WNT3: variants seen among roughly 807,000 people sequenced by gnomAD.
WNT3 encodes proto-oncogene Wnt-3.
Under a neutral mutation model 34.2 loss-of-function variants are expected in WNT3, and 7 were observed. The observed-to-expected ratio is 0.20, with a 90% CI of 0.12 to 0.38. The LOEUF (loss-of-function observed/expected upper bound fraction) is 0.38. Ranked by LOEUF, WNT3 falls within the 10% of genes least tolerant of loss-of-function variation. The pLI is 1.00. For synonymous variants in WNT3, 212 were observed against 211.5 expected (o/e 1.00, Z -0.02); for missense variants, 267 against 499.8 (o/e 0.53, Z 4.44).
At position 46,807,299 on chromosome 17, in the gene WNT3, A is replaced by G. The variant is rs529518504; in HGVS notation, c.80+11219T>C. Among the ~76,000 whole-genome samples, 191 of 152,314 alleles carry G rather than the reference A, an allele frequency of 1.3e-3. 1 individual carries two copies. The highest frequency in any genetic ancestry group is 4.5e-3 in the African/African-American group (186 of 41,572). On this transcript the variant is annotated intron_variant, in intron 1 of 4. Transcript: ENST00000225512. ...GGAGTTTGATACCAGCCTGACCAACATGGTGAAATCCTATCTCTACTGAAA... is the reference window on the plus strand; with the variant it reads ...GGAGTTTGATACCAGCCTGACCAACGTGGTGAAATCCTATCTCTACTGAAA...
Position 46,773,877 on chromosome 17 carries a change from A to G in WNT3, c.113T>C (p.Leu38Pro). ...SLALGQQYTS[L>P]GSQPLLCGSI... ...GCCGCAGAGCAGGGGCTGTGAGCCC[A>G]GAGATGTGTACTGCTGGCCCAGGGC... Residue 38 changes from leucine (L) to proline (P), a missense_variant, in exon 2 of 5, where the codon CTG becomes CCG. Coordinates refer to ENST00000225512, the MANE Select transcript of WNT3 (RefSeq NM_030753.5). The G allele has an allele frequency of 6.2e-7, 1 of 1,612,474 alleles. No homozygotes were observed. The highest frequency in any genetic ancestry group is 8.5e-7 in the Non-Finnish European group (1 of 1,179,964).
chr17:46,781,767 GCCTT>G (rs2059463365), intron 1 of WNT3, among the ~76,000 whole-genome samples: 1 of 152,172 alleles, frequency 6.6e-6, no homozygotes, highest in Non-Finnish European at 1.5e-5. Context: ...TGCATCCCCA[GCCTT>G]CAACTTCGCA....
chr17:46,800,971 G>A (rs746432402), intron 1 of WNT3, among the ~76,000 whole-genome samples: 7 of 152,200 alleles, frequency 4.6e-5, no homozygotes, highest in African/African-American at 7.2e-5. Context: ...AGTGAGGTGT[G>A]CACGAGAACA....
At chr17:46,773,455 C>T (rs867641847) in intron 2 of WNT3, among the ~76,000 whole-genome samples, 1 of 152,124 alleles carries the variant, frequency 6.6e-6, no homozygotes, top group East Asian at 1.9e-4. Flanking sequence ...TTCTTGGTGT[C>T]GGCCCTCAAA....
intron 1 of WNT3, among the ~76,000 whole-genome samples, chr17:46,804,270 T>A (rs1351370351): frequency 6.6e-6 from 1 of 152,036 alleles, no homozygotes; most frequent in African/African-American, 2.4e-5. Flanking sequence ...GTATTTTTAG[T>A]AGAGACGGGG....
intron 1 of WNT3, among the ~76,000 whole-genome samples, chr17:46,786,929 CTTTTCTT>C (rs1302665893): frequency 1.3e-5 from 2 of 150,712 alleles, no homozygotes; most frequent in African/African-American, 2.5e-5. Context: ...GGCCATTTTT[CTTTTCTT>C]TTTTCTTTTT....
intron 2 of WNT3, among the ~76,000 whole-genome samples, chr17:46,770,603 G>C (rs2059356082): frequency 6.6e-6 from 1 of 152,078 alleles, no homozygotes; most frequent in Non-Finnish European, 1.5e-5. Flanking sequence ...AAATGGACAC[G>C]GCTTCCCTCC....
intron 1 of WNT3, among the ~76,000 whole-genome samples, chr17:46,784,991 A>C (rs1335822174): frequency 4.0e-5 from 6 of 151,860 alleles, no homozygotes; most frequent in African/African-American, 7.3e-5. Context: ...GTTAGCCAGG[A>C]TGGTCTCGAT....
chr17:46,796,258 T>C (rs2084053108), intron 1 of WNT3, among the ~76,000 whole-genome samples: 1 of 152,226 alleles, frequency 6.6e-6, no homozygotes, highest in African/African-American at 2.4e-5. Context: ...TTTGTCACAG[T>C]CCCTGGCACA....
chr17:46,805,274 C>CA (rs879454317), intron 1 of WNT3, among the ~76,000 whole-genome samples: 69 of 148,262 alleles, frequency 4.7e-4, no homozygotes, highest in African/African-American at 5.9e-4. Context: ...GCTATCTCTA[C>CA]AAAAAAAAAG....
At chr17:46,801,491 G>T (rs900461804) in intron 1 of WNT3, among the ~76,000 whole-genome samples, 1 of 123,848 alleles carries the variant, frequency 8.1e-6, no homozygotes, top group Non-Finnish European at 1.8e-5. Flanking sequence ...ATGGTGGCAG[G>T]CGCCTGTAAT....
intron 1 of WNT3, among the ~76,000 whole-genome samples, chr17:46,786,261 AAGG>A (rs1312241421): frequency 1.3e-5 from 2 of 152,088 alleles, no homozygotes; most frequent in Admixed American, 1.3e-4. Context: ...AGGGTGGAAG[AAGG>A]AGGAGGACAG....
chr17:46,802,080 A>T (rs1372059471), intron 1 of WNT3, among the ~76,000 whole-genome samples: 1 of 152,188 alleles, frequency 6.6e-6, no homozygotes, highest in Non-Finnish European at 1.5e-5. Context: ...GTGATATTAT[A>T]AAATATATAT....
chr17:46,811,921 C>T (rs530049234), intron 1 of WNT3, among the ~76,000 whole-genome samples: 1 of 152,274 alleles, frequency 6.6e-6, no homozygotes, highest in East Asian at 1.9e-4. Context: ...TGTGCCACTG[C>T]ACTCCAGCCT....
intron 1 of WNT3, among the ~76,000 whole-genome samples, chr17:46,816,630 C>T (rs1166400433): frequency 6.6e-6 from 1 of 152,118 alleles, no homozygotes; most frequent in Non-Finnish European, 1.5e-5. Flanking sequence ...GTTTCCCCAG[C>T]GTTTCTTCCT....
At chr17:46,765,883 G>A (rs60837808) in intron 4 of WNT3, among the ~76,000 whole-genome samples, 5,878 of 152,308 alleles carry the variant, frequency 0.039, 400 homozygotes, top group African/African-American at 0.13. Flanking sequence ...AGGGCTCAGC[G>A]AGGCAGAAGA....
chr17:46,770,963 C>T (rs763740004), intron 2 of WNT3, among the ~76,000 whole-genome samples: 7 of 152,266 alleles, frequency 4.6e-5, no homozygotes, highest in Admixed American at 6.5e-5. Flanking sequence ...AGGTGACTCG[C>T]CACCTGACAC....
chr17:46,779,129 G>C (rs150404022), intron 1 of WNT3, among the ~76,000 whole-genome samples: 1 of 132,462 alleles, frequency 7.5e-6, no homozygotes, highest in African/African-American at 2.9e-5. Context: ...CCTTCCAAAG[G>C]GCCGGGCACA....
chr17:46,772,807 A>G (rs2059385559), intron 2 of WNT3, among the ~76,000 whole-genome samples: 1 of 129,864 alleles, frequency 7.7e-6, no homozygotes, highest in East Asian at 2.4e-4. Context: ...CCTGAACGTC[A>G]GATCCCTTTT....
Sources: allele counts gnomAD v4.1 joint callset (sites outside exome capture counted in the v4.1 genomes callset), GRCh38; gene constraint gnomAD v4.1.1; transcripts MANE v1.5; gene names NCBI Gene and HGNC (gene_info 2026-07-23, HGNC 2026-07-21).